TXNDC16: variants seen among roughly 807,000 people sequenced by gnomAD.
The protein encoded by TXNDC16 is thioredoxin domain containing 16, also known as thioredoxin domain-containing protein 16.
In TXNDC16, 74 loss-of-function variants were observed where a neutral mutation model predicts 85.6. The observed-to-expected ratio is 0.86, with a 90% CI of 0.72 to 1.05. TXNDC16 has a LOEUF of 1.05. Among genes scored for constraint, TXNDC16 ranks in the 50% least tolerant of loss-of-function variants. The probability of loss-of-function intolerance (pLI) is 0.00; values close to 1 mark genes in which losing one functional copy is unlikely to be tolerated. For missense variants in TXNDC16, 959 were observed against 947.0 expected (o/e 1.01, Z -0.17); for synonymous variants, 335 against 326.5 (o/e 1.03, Z -0.28).
At chr14:52,456,047 C>T (rs1363159023) in intron 17 of TXNDC16, among the ~76,000 whole-genome samples, 1 of 152,148 alleles carries the variant, frequency 6.6e-6, no homozygotes, top group East Asian at 1.9e-4. Context: ...ATCCACCCTC[C>T]CACAATCCCT....
chr14:52,485,720 T>C (rs949928657), intron 12 of TXNDC16, among the ~76,000 whole-genome samples: 6 of 152,352 alleles, frequency 3.9e-5, no homozygotes, highest in South Asian at 2.1e-4. Context: ...TATAGGTTTG[T>C]GGCCTAGGAG....
intron 16 of TXNDC16, chr14:52,462,747 T>C: frequency 2.8e-6 from 1 of 354,024 alleles, no homozygotes; most frequent in Non-Finnish European, 5.5e-6. Flanking sequence ...GAGTCCTCAT[T>C]TTTAAATGTA....
At chr14:52,493,212 TA>T (rs1372385463) in intron 9 of TXNDC16, among the ~76,000 whole-genome samples, 1 of 115,618 alleles carries the variant, frequency 8.6e-6, no homozygotes, top group Non-Finnish European at 1.8e-5. Context: ...TATATATATA[TA>T]TATACACACA....
Position 52,432,401 on chromosome 14 carries a change from GT to G in TXNDC16, c.2380del (p.Thr794LeufsTer2), listed in dbSNP as rs1228395787. On this transcript the variant is annotated frameshift_variant, in exon 21 of 21. Coordinates refer to ENST00000281741, the MANE Select transcript of TXNDC16 (RefSeq NM_020784.3). LOFTEE classifies it low-confidence loss of function (END_TRUNC). The part of the protein sequence containing the change: ...KSAVRKEPIE[T>X]LRIKHWNRSN... The stretch of plus-strand genomic sequence containing the variant: ...TCTATTCCAATGCTTTATTCTCAGA[GT>G]TTCAATCGGTTCTTTTCTGACTGCC... 6.2e-7 allele frequency: 1 copy of G among 1,613,950 alleles called. No individual in the cohort carries two copies. Among genetic ancestry groups the G allele is most frequent in the South Asian group, 1.1e-5 (1 of 91,068 alleles).
chr14:52,519,062 G>T, intron 7 of TXNDC16, 110 bp downstream of exon 7: 1 of 1,138,074 alleles, frequency 8.8e-7, no homozygotes, highest in Non-Finnish European at 1.2e-6. Context: ...AGATGCTTTA[G>T]ATTTATTTTA....
chr14:52,531,335 T>C (rs1163675968), intron 6 of TXNDC16, among the ~76,000 whole-genome samples: 4 of 152,068 alleles, frequency 2.6e-5, no homozygotes, highest in Non-Finnish European at 1.5e-5. Context: ...CCCAAAGGAG[T>C]TGGAAACTTA....
chr14:52,440,104 G>C (rs1208734024), intron 19 of TXNDC16, among the ~76,000 whole-genome samples: 2 of 152,088 alleles, frequency 1.3e-5, no homozygotes, highest in Non-Finnish European at 2.9e-5. Context: ...TGATGAATCT[G>C]AACAAGGGGC....
At chr14:52,509,272 C>G (rs1300298955) in intron 9 of TXNDC16, among the ~76,000 whole-genome samples, 1 of 151,922 alleles carries the variant, frequency 6.6e-6, no homozygotes. Context: ...AGGTATGAGT[C>G]CTAATCTTAC....
intron 12 of TXNDC16, among the ~76,000 whole-genome samples, chr14:52,485,244 G>A (rs1383770850): frequency 6.6e-6 from 1 of 152,112 alleles, no homozygotes. Flanking sequence ...AGTTTAAAAC[G>A]TAAAACATAA....
chr14:52,519,367 C>G, intron 6 of TXNDC16, 74 bp from the exon 7 acceptor site: 1 of 1,160,694 alleles, frequency 8.6e-7, no homozygotes, highest in Non-Finnish European at 1.2e-6. Context: ...TGTTAAAGAA[C>G]CTAACCAAAA....
intron 6 of TXNDC16, among the ~76,000 whole-genome samples, chr14:52,529,448 T>C (rs2037422939): frequency 6.7e-6 from 1 of 148,926 alleles, no homozygotes; most frequent in Non-Finnish European, 1.5e-5. Flanking sequence ...GTTGTGCACA[T>C]GTACCCTAAA....
chr14:52,445,315 T>C (rs1256118733), intron 18 of TXNDC16, among the ~76,000 whole-genome samples: 1 of 152,158 alleles, frequency 6.6e-6, no homozygotes, highest in African/African-American at 2.4e-5. Flanking sequence ...TGATTATTTA[T>C]AACCTATAAT....
At chr14:52,449,228 A>G (rs1157667297) in intron 18 of TXNDC16, among the ~76,000 whole-genome samples, 2 of 152,080 alleles carry the variant, frequency 1.3e-5, no homozygotes, top group African/African-American at 4.8e-5. Context: ...AATGATATAC[A>G]AAGACTGAAA....
At chr14:52,471,913 C>T (rs1045386453) in intron 14 of TXNDC16, among the ~76,000 whole-genome samples, 1 of 149,578 alleles carries the variant, frequency 6.7e-6, no homozygotes, top group African/African-American at 2.5e-5. Context: ...CCATACAACT[C>T]GAAAGAATAA....
At chr14:52,503,593 C>A (rs2036715589) in intron 9 of TXNDC16, among the ~76,000 whole-genome samples, 1 of 152,048 alleles carries the variant, frequency 6.6e-6, no homozygotes, top group Non-Finnish European at 1.5e-5. Flanking sequence ...CATCAAAGAC[C>A]AAAGGTAGAT....
chr14:52,493,905 C>T (rs1431308167), intron 9 of TXNDC16, among the ~76,000 whole-genome samples: 6 of 151,966 alleles, frequency 3.9e-5, no homozygotes, highest in Non-Finnish European at 8.8e-5. Flanking sequence ...CAACCTCCAC[C>T]AAATAGCTGG....
intron 14 of TXNDC16, among the ~76,000 whole-genome samples, chr14:52,478,405 A>C (rs780786165): frequency 1.1e-4 from 16 of 152,142 alleles, no homozygotes; most frequent in Non-Finnish European, 1.9e-4. Flanking sequence ...CTTTGCAAAG[A>C]AAAATAAAAC....
chr14:52,509,915 A>G (rs1326466476), intron 9 of TXNDC16, among the ~76,000 whole-genome samples: 1 of 151,732 alleles, frequency 6.6e-6, no homozygotes, highest in Non-Finnish European at 1.5e-5. Flanking sequence ...CAGGAGGAGG[A>G]GCTTGCAGTG....
chr14:52,456,029 G>C (rs1293446986), intron 17 of TXNDC16, among the ~76,000 whole-genome samples: 1 of 151,968 alleles, frequency 6.6e-6, no homozygotes, highest in South Asian at 2.1e-4. Flanking sequence ...ACTGAAACAA[G>C]AGCCCAAATC....
Sources: gnomAD v4.1 joint callset for allele counts (sites outside exome capture counted in the v4.1 genomes callset) on GRCh38, gnomAD v4.1.1 for gene constraint, MANE v1.5 for transcripts, NCBI Gene and HGNC (gene_info 2026-07-23, HGNC 2026-07-21) for gene names.